Variants in XRCC6 observed in about 807,000 individuals in gnomAD.
XRCC6 encodes the protein X-ray repair cross complementing 6, also known as DNA repair protein Ku70.
A neutral mutation model predicts 65.7 loss-of-function variants in XRCC6; 5 were observed. The observed-to-expected ratio is 0.08, with a 90% confidence interval of 0.04 to 0.16. The LOEUF is 0.16. XRCC6 is among the 10% of genes least tolerant of loss of function. The pLI, the probability that XRCC6 is intolerant of heterozygous loss-of-function variation, is 1.00. For missense variants in XRCC6, 447 were observed against 738.1 expected, an observed-to-expected ratio of 0.61 and a Z score of 4.57; for synonymous variants, 270 against 270.6, an observed-to-expected ratio of 1.00 and a Z score of 0.02.
At chr22:41,647,180 C>G in intron 7 of XRCC6, 98 bp downstream of exon 7, 1 of 1,305,766 alleles carries the variant, frequency 7.7e-7, no homozygotes, top group Non-Finnish European at 1.1e-6. Context: ...CTCGCTACAG[C>G]CTTGACCTCC....
At chr22:41,637,468 C>T (rs1292166818) in intron 5 of XRCC6, 140 bp from the exon 6 acceptor site, 2 of 749,930 alleles carry the variant, frequency 2.7e-6, no homozygotes, top group East Asian at 5.7e-5. Flanking sequence ...TTTCCTTAGT[C>T]ACTTTTTCTA....
In XRCC6 at chr22:41,663,704, G is replaced by T; in HGVS notation, c.1719G>T (p.Leu573=). The T allele has an allele frequency of 6.2e-7, 1 of 1,613,976 alleles. No homozygotes were observed. The highest frequency in any genetic ancestry group is 8.5e-7 in the Non-Finnish European group (1 of 1,179,876). ...ELKTHISKGT[L]GKFTVPMLKE... is the part of the protein sequence containing the mutation. ...AGACCCACATCAGCAAGGGTACGCT[G>T]GGCAAGTTCACTGTGCCCATGCTGA... Residue 573 remains leucine, a synonymous_variant, in exon 13 of 13, where the codon CTG becomes CTT. Transcript: ENST00000360079.
intron 5 of XRCC6, 149 bp from the exon 6 acceptor site, chr22:41,637,459 T>TA (rs2067821650): frequency 4.3e-6 from 3 of 697,698 alleles, no homozygotes; most frequent in Non-Finnish European, 7.0e-6. Context: ...AGCAGTTGGT[T>TA]TCCTTAGTCA....
intron 12 of XRCC6, among the ~76,000 whole-genome samples, chr22:41,663,418 C>T (rs1446508651): frequency 1.3e-5 from 2 of 152,180 alleles, no homozygotes; most frequent in Admixed American, 1.3e-4. Context: ...CTTGTAATTT[C>T]CTCCTAGGTG....
At chr22:41,621,849 C>T in intron 1 of XRCC6, 141 bp from the exon 2 acceptor site, 11 of 731,028 alleles carry the variant, frequency 1.5e-5, no homozygotes, top group Non-Finnish European at 2.5e-5. Context: ...GTCCGACTGC[C>T]GAGCTTTCGA....
At chr22:41,655,607 C>A (rs1489628043) in intron 9 of XRCC6, among the ~76,000 whole-genome samples, 1 of 151,056 alleles carries the variant, frequency 6.6e-6, no homozygotes, top group South Asian at 2.1e-4. Context: ...GAGGCTGAGG[C>A]AGGAGAATGG....
intron 6 of XRCC6, among the ~76,000 whole-genome samples, chr22:41,644,643 G>A (rs2067912898): frequency 1.3e-5 from 2 of 151,830 alleles, no homozygotes; most frequent in Non-Finnish European, 2.9e-5. Context: ...ACACCGCCAC[G>A]CCTGGCTAAT....
At chr22:41,622,839 G>A (rs1160545842) in intron 2 of XRCC6, among the ~76,000 whole-genome samples, 3 of 151,900 alleles carry the variant, frequency 2.0e-5, no homozygotes, top group African/African-American at 7.3e-5. Context: ...CAGCTGCTCG[G>A]GAGGCTGAGG....
intron 7 of XRCC6, among the ~76,000 whole-genome samples, chr22:41,650,513 T>G (rs1009151957): frequency 6.6e-6 from 1 of 152,164 alleles, no homozygotes; most frequent in Non-Finnish European, 1.5e-5. Context: ...CCTCTTGGGA[T>G]TGTTACAGAA....
At chr22:41,621,772 C>T in intron 1 of XRCC6, 2 of 518,084 alleles carry the variant, frequency 3.9e-6, no homozygotes, top group Non-Finnish European at 6.9e-6. Flanking sequence ...CGCCGCCGGC[C>T]CTGAAACGTG....
At chr22:41,646,771 T>C in intron 6 of XRCC6, 125 bp from the exon 7 acceptor site, 3 of 812,042 alleles carry the variant, frequency 3.7e-6, no homozygotes, top group Non-Finnish European at 5.8e-6. Context: ...AGCATATTTA[T>C]ATTTTGAGAG....
chr22:41,633,670 C>T (rs1377922313), intron 3 of XRCC6, among the ~76,000 whole-genome samples: 15 of 152,014 alleles, frequency 9.9e-5, no homozygotes, highest in Non-Finnish European at 8.8e-5. Context: ...CATGAGCCAC[C>T]GCACCTGGCC....
chr22:41,658,453 CTT>C, intron 11 of XRCC6, 101 bp downstream of exon 11: 1 of 1,075,720 alleles, frequency 9.3e-7, no homozygotes, highest in Non-Finnish European at 1.4e-6. Flanking sequence ...TCTCTAAACA[CTT>C]AACCTCATTC....
At chr22:41,631,058 A>C (rs2067739035) in intron 3 of XRCC6, among the ~76,000 whole-genome samples, 1 of 147,190 alleles carries the variant, frequency 6.8e-6, no homozygotes, top group African/African-American at 2.6e-5. Flanking sequence ...GGCGCCCCTC[A>C]CCTCCCGGAC....
At chr22:41,640,154 G>A (rs1254140849) in intron 6 of XRCC6, among the ~76,000 whole-genome samples, 1 of 151,034 alleles carries the variant, frequency 6.6e-6, no homozygotes, top group African/African-American at 2.4e-5. Flanking sequence ...AGCCTCCCAA[G>A]TAGCTTTTTT....
chr22:41,643,032 T>C (rs923051997), intron 6 of XRCC6, among the ~76,000 whole-genome samples: 1 of 152,238 alleles, frequency 6.6e-6, no homozygotes, highest in Admixed American at 6.5e-5. Flanking sequence ...CAGACACTTG[T>C]CTAAACATGT....
intron 2 of XRCC6, among the ~76,000 whole-genome samples, chr22:41,625,044 G>C (rs1345122317): frequency 6.6e-6 from 1 of 152,068 alleles, no homozygotes; most frequent in Non-Finnish European, 1.5e-5. Context: ...GGTGGCTCAT[G>C]CCTGTAATCC....
At chr22:41,656,484 C>G (rs2068046048) in intron 9 of XRCC6, among the ~76,000 whole-genome samples, 1 of 151,516 alleles carries the variant, frequency 6.6e-6, no homozygotes, top group Non-Finnish European at 1.5e-5. Context: ...CCACTGTACT[C>G]CAGCCTGGGC....
At chr22:41,632,592 CAG>C (rs1216297199) in intron 3 of XRCC6, among the ~76,000 whole-genome samples, 2 of 151,788 alleles carry the variant, frequency 1.3e-5, no homozygotes, top group Non-Finnish European at 2.9e-5. Context: ...TCCTGGGTGA[CAG>C]AGAGAGACTC....
Sources: allele counts gnomAD v4.1 joint callset (sites outside exome capture counted in the v4.1 genomes callset), GRCh38; gene constraint gnomAD v4.1.1; transcripts MANE v1.5; gene names NCBI Gene and HGNC (gene_info 2026-07-23, HGNC 2026-07-21).